Variants in AMOTL1 observed in about 807,000 individuals in gnomAD.
AMOTL1 encodes angiomotin-like protein 1.
In AMOTL1, 45 loss-of-function variants were observed where a neutral mutation model predicts 102.9. The ratio of observed to expected loss-of-function variants is 0.44; its 90% CI spans 0.34 to 0.56. The LOEUF is 0.56. Among genes scored for constraint, AMOTL1 ranks in the 20% least tolerant of loss-of-function variants. The pLI is 0.01. For missense variants in AMOTL1, 1,114 were observed against 1,225.6 expected, an observed-to-expected ratio of 0.91 and a Z score of 1.36; for synonymous variants, 481 against 484.7, an observed-to-expected ratio of 0.99 and a Z score of 0.10.
At chr11:94,736,875 A>T (rs1950445939) in intron 2 of AMOTL1, among the ~76,000 whole-genome samples, 1 of 152,260 alleles carries the variant, frequency 6.6e-6, no homozygotes, top group Admixed American at 6.5e-5. Context: ...GGCACTGATC[A>T]TCTCTGTGTC....
At chr11:94,736,681 T>C (rs2851576) in intron 2 of AMOTL1, among the ~76,000 whole-genome samples, 143,867 of 152,282 alleles carry the variant, frequency 0.94, 68,469 homozygotes, top group East Asian at 1. Flanking sequence ...TGAAAATGCC[T>C]GCCACCCAAT....
At chr11:94,852,372 A>C (rs1414921425) in intron 7 of AMOTL1, among the ~76,000 whole-genome samples, 1 of 152,276 alleles carries the variant, frequency 6.6e-6, no homozygotes, top group Admixed American at 6.5e-5. Context: ...AAGCTCACCT[A>C]GCAGCTAAAT....
chr11:94,779,034 T>C (rs1033950721), intron 1 of AMOTL1, among the ~76,000 whole-genome samples: 2 of 150,706 alleles, frequency 1.3e-5, no homozygotes, highest in African/African-American at 4.9e-5. Context: ...AAGTGGAAAA[T>C]AGATATAATT....
At position 94,745,702 on chromosome 11, in the gene AMOTL1, A is replaced by G. The variant is rs563154351; in HGVS notation, c.136+4714A>G. Among the ~76,000 whole-genome samples the G allele has an allele frequency of 7.9e-5, 12 of 152,348 alleles. No homozygotes were observed. The South Asian group carries it at 1.7e-3, about 21-fold the overall frequency. On this transcript the variant is annotated intron_variant, in intron 3 of 4. Coordinates refer to the AMOTL1 transcript ENST00000299004. The stretch of plus-strand genomic sequence containing the variant: ...CGTGGATATGGTAAATGGTGTATGT[A>G]AAGTCCATGTATTGAATGTGCTTGG...
intron 3 of AMOTL1, among the ~76,000 whole-genome samples, chr11:94,742,985 T>C (rs796663189): frequency 3.4e-4 from 52 of 152,252 alleles, no homozygotes; most frequent in African/African-American, 1.2e-3. Context: ...TACCATCACA[T>C]TGAGGATTAG....
intron 10 of AMOTL1, among the ~76,000 whole-genome samples, chr11:94,865,084 G>A (rs1003478907): frequency 5.3e-5 from 8 of 152,118 alleles, no homozygotes; most frequent in East Asian, 1.9e-4. Context: ...GGGAAATTGC[G>A]TGTCACCTGC....
intron 2 of AMOTL1, among the ~76,000 whole-genome samples, chr11:94,732,402 T>C (rs770006166): frequency 6.6e-5 from 10 of 152,124 alleles, no homozygotes; most frequent in Non-Finnish European, 1.2e-4. Context: ...TTGGGGGTGA[T>C]AAGGAGTTTC....
intron 4 of AMOTL1, among the ~76,000 whole-genome samples, chr11:94,822,160 G>A (rs899861948): frequency 6.6e-6 from 1 of 152,230 alleles, no homozygotes. Context: ...TAAATAACAC[G>A]GAGGAGGCCA....
At chr11:94,770,978 A>T (rs1950940349) in intron 1 of AMOTL1, among the ~76,000 whole-genome samples, 1 of 152,190 alleles carries the variant, frequency 6.6e-6, no homozygotes. Context: ...TGAAATGAGC[A>T]GTCTGGCTGG....
At chr11:94,734,802 A>G (rs981048393) in intron 2 of AMOTL1, among the ~76,000 whole-genome samples, 4 of 152,062 alleles carry the variant, frequency 2.6e-5, no homozygotes, top group African/African-American at 9.7e-5. Context: ...CAGAGAGATG[A>G]CTCAGCTCAG....
chr11:94,833,748 G>A (rs1952120416), intron 6 of AMOTL1, among the ~76,000 whole-genome samples: 1 of 152,180 alleles, frequency 6.6e-6, no homozygotes. Context: ...TTTCTGGGGA[G>A]GAGACAGAGA....
At chr11:94,848,068 G>A (rs996716610) in intron 6 of AMOTL1, among the ~76,000 whole-genome samples, 8 of 152,166 alleles carry the variant, frequency 5.3e-5, no homozygotes, top group Admixed American at 2.6e-4. Flanking sequence ...CTTGGAGAAG[G>A]CCAGCAGCCA....
chr11:94,855,125 G>C (rs1392919677), intron 8 of AMOTL1, among the ~76,000 whole-genome samples: 1 of 152,220 alleles, frequency 6.6e-6, no homozygotes, highest in Non-Finnish European at 1.5e-5. Flanking sequence ...GGAAATGCAA[G>C]GCAGGGCCCC....
At chr11:94,833,918 C>G (rs1165637584) in intron 6 of AMOTL1, among the ~76,000 whole-genome samples, 2 of 152,154 alleles carry the variant, frequency 1.3e-5, no homozygotes, top group Non-Finnish European at 2.9e-5. Flanking sequence ...CAATAAAATG[C>G]AGGAGGAGGA....
intron 3 of AMOTL1, among the ~76,000 whole-genome samples, chr11:94,820,771 T>C (rs1329382038): frequency 6.6e-6 from 1 of 152,140 alleles, no homozygotes; most frequent in Non-Finnish European, 1.5e-5. Context: ...AGTGACAGGT[T>C]ATCAGGCATT....
At chr11:94,772,508 C>T (rs974368951) in intron 1 of AMOTL1, among the ~76,000 whole-genome samples, 1 of 152,170 alleles carries the variant, frequency 6.6e-6, no homozygotes, top group African/African-American at 2.4e-5. Context: ...TTTCACTCAG[C>T]ATAATGCCAT....
chr11:94,872,943 G>A lies in AMOTL1; in HGVS notation c.*2148G>A, dbSNP rs1953028637. On this transcript the variant is annotated 3_prime_UTR_variant, in exon 13 of 13. Coordinates refer to ENST00000433060, the MANE Select transcript of AMOTL1 (RefSeq NM_130847.3). ...AGGAGATGACAGCTAACTCTCTTAA[G>A]GACATTTTGACCCCAGTTTATGTTG... The A allele has an allele frequency of 6.6e-6, 1 of 152,158 alleles. No homozygotes were observed. The highest frequency in any genetic ancestry group is 1.5e-5 in the Non-Finnish European group (1 of 68,022). The allele number at this position is 152,158 out of a possible 1,614,324, so 9.4% of individuals were successfully genotyped here.
Position 94,812,588 on chromosome 11 carries a change from G to T in AMOTL1, c.1122-8942G>T, listed in dbSNP as rs146551346. On this transcript the variant is annotated intron_variant, in intron 3 of 12. Transcript: ENST00000433060. ...TTGTCCATAAGGAATTTCCTTGTGG[G>T]CAAATTGTGAGGAAAGTATATAGTT... Among the ~76,000 whole-genome samples the T allele has an allele frequency of 0.013, 1,979 of 152,296 alleles. 3 individuals carry two copies. The East Asian group carries it at 0.18, about 14-fold the overall frequency.
At chr11:94,834,949 G>C (rs188787277) in intron 6 of AMOTL1, among the ~76,000 whole-genome samples, 118 of 152,190 alleles carry the variant, frequency 7.8e-4, no homozygotes, top group African/African-American at 2.6e-3. Context: ...GGACTGCCTG[G>C]GTAATTACTA....
Sources: gnomAD v4.1 joint callset for allele counts (sites outside exome capture counted in the v4.1 genomes callset) on GRCh38, gnomAD v4.1.1 for gene constraint, MANE v1.5 for transcripts, NCBI Gene and HGNC (gene_info 2026-07-23, HGNC 2026-07-21) for gene names.